The following CADM2 variants were observed in gnomAD, a reference collection of about 807,000 sequenced individuals.
The protein encoded by CADM2 is cell adhesion molecule 2.
Under a neutral mutation model 49.8 loss-of-function variants are expected in CADM2, and 12 were observed. The observed-to-expected ratio is 0.24, with a 90% CI of 0.15 to 0.39. The LOEUF is 0.39. Ranked by LOEUF, CADM2 falls within the 10% of genes least tolerant of loss-of-function variation. The pLI, the probability that CADM2 is intolerant of heterozygous loss-of-function variation, is 1.00. For synonymous variants in CADM2, 214 were observed against 175.4 expected (o/e 1.22, Z -1.74); for missense variants, 378 against 492.3 (o/e 0.77, Z 2.20).
intron 8 of CADM2, among the ~76,000 whole-genome samples, chr3:86,029,818 T>C (rs1734343321): frequency 6.6e-6 from 1 of 151,950 alleles, no homozygotes; most frequent in Admixed American, 6.6e-5. Flanking sequence ...TTGGGAGAGG[T>C]AAATTGTTAT....
At chr3:85,728,560 A>C (rs2067802042) in intron 2 of CADM2, among the ~76,000 whole-genome samples, 1 of 152,142 alleles carries the variant, frequency 6.6e-6, no homozygotes, top group African/African-American at 2.4e-5. Context: ...AGTGGATAAG[A>C]GGAAAATAAA....
intron 1 of CADM2, among the ~76,000 whole-genome samples, chr3:85,544,130 CA>C (rs1215866597): frequency 6.6e-6 from 1 of 152,036 alleles, no homozygotes; most frequent in Non-Finnish European, 1.5e-5. Context: ...AAGACACAGG[CA>C]AATAATGACA....
intron 1 of CADM2, among the ~76,000 whole-genome samples, chr3:85,259,651 C>T (rs570567466): frequency 6.6e-6 from 1 of 152,016 alleles, no homozygotes; most frequent in Non-Finnish European, 1.5e-5. Flanking sequence ...GCAATTTATA[C>T]TAGCAAGATG....
chr3:85,788,590 A>G (rs2071142402), intron 2 of CADM2, among the ~76,000 whole-genome samples: 1 of 152,112 alleles, frequency 6.6e-6, no homozygotes, highest in Non-Finnish European at 1.5e-5. Flanking sequence ...GGTGCAATCC[A>G]AAATAAAAAT....
At chr3:85,585,420 T>A (rs957145130) in intron 1 of CADM2, among the ~76,000 whole-genome samples, 6 of 152,008 alleles carry the variant, frequency 3.9e-5, no homozygotes, top group Middle Eastern at 3.4e-3. Context: ...ATATATATCT[T>A]GTATGATGAG....
intron 1 of CADM2, among the ~76,000 whole-genome samples, chr3:85,412,637 G>A (rs558140284): frequency 6.6e-6 from 1 of 151,986 alleles, no homozygotes; most frequent in Non-Finnish European, 1.5e-5. Context: ...GACAAGTGGA[G>A]CGCTAATAAA....
At chr3:85,773,688 A>C (rs2070215378) in intron 2 of CADM2, among the ~76,000 whole-genome samples, 1 of 151,992 alleles carries the variant, frequency 6.6e-6, no homozygotes, top group South Asian at 2.1e-4. Context: ...TCAGAGAAAG[A>C]CTAGAGATTG....
chr3:86,022,829 A>G (rs547263235), intron 8 of CADM2, among the ~76,000 whole-genome samples: 3 of 152,084 alleles, frequency 2.0e-5, no homozygotes, highest in Non-Finnish European at 1.5e-5. Context: ...TTCAGCTTCC[A>G]TGTCATTTTG....
rs575968095 is a variant in CADM2 at position 85,685,529 on chromosome 3, T to C, written c.62-40993T>C. 9.8e-5 allele frequency among the ~76,000 whole-genome samples: 15 copies of C among 152,308 alleles called. No individual in the cohort carries two copies. In the South Asian group the frequency reaches 3.1e-3, roughly 32 times the overall value. On this transcript the variant is annotated intron_variant, in intron 1 of 9. Coordinates refer to ENST00000383699, the MANE Select transcript of CADM2 (RefSeq NM_001167675.2). ...CATTTTTCTGTGAACCTAAAACTTC[T>C]TTGAAATATCGTCTTATTTAAACAG...
At chr3:85,707,009 C>T (rs1355120291) in intron 1 of CADM2, among the ~76,000 whole-genome samples, 4 of 152,022 alleles carry the variant, frequency 2.6e-5, no homozygotes, top group Non-Finnish European at 5.9e-5. Flanking sequence ...CTCTGTCACC[C>T]AGGCTGGAGT....
At chr3:85,557,652 T>C (rs1163986241) in intron 1 of CADM2, among the ~76,000 whole-genome samples, 2 of 152,084 alleles carry the variant, frequency 1.3e-5, no homozygotes, top group Non-Finnish European at 2.9e-5. Context: ...TTTTACACTG[T>C]TGTGATAAGT....
chr3:85,899,461 T>G (rs547121604), intron 5 of CADM2, among the ~76,000 whole-genome samples: 1 of 152,282 alleles, frequency 6.6e-6, no homozygotes, highest in Admixed American at 6.5e-5. Flanking sequence ...TCGGGTCAGT[T>G]TCCATTGATT....
chr3:85,510,656 T>G (rs1268498856), intron 1 of CADM2, among the ~76,000 whole-genome samples: 1 of 152,074 alleles, frequency 6.6e-6, no homozygotes, highest in Non-Finnish European at 1.5e-5. Flanking sequence ...AATATTCAAC[T>G]CTCCTAGATT....
chr3:85,578,031 T>TTCCTTCCTTCCTTCCTTC (rs1169191871), intron 1 of CADM2, among the ~76,000 whole-genome samples: 64 of 59,450 alleles, frequency 1.1e-3, no homozygotes, highest in Non-Finnish European at 4.0e-4. Context: ...TTCCTTCCTT[T>TTCCTTCCTTCCTTCCTTC]CTTCCCCCCC....
chr3:85,966,444 T>C (rs2108629078), intron 8 of CADM2, among the ~76,000 whole-genome samples: 1 of 151,898 alleles, frequency 6.6e-6, no homozygotes, highest in Non-Finnish European at 1.5e-5. Context: ...GCTAACTTAT[T>C]CCCTTACTTC....
chr3:85,709,418 G>A (rs536538198), intron 1 of CADM2, among the ~76,000 whole-genome samples: 14 of 152,126 alleles, frequency 9.2e-5, no homozygotes, highest in Admixed American at 4.6e-4. Context: ...GTTTTGTTGC[G>A]TTACATACAA....
At chr3:85,712,811 T>G (rs982235421) in intron 1 of CADM2, among the ~76,000 whole-genome samples, 4 of 152,214 alleles carry the variant, frequency 2.6e-5, no homozygotes, top group African/African-American at 9.6e-5. Flanking sequence ...GTTTGACTTT[T>G]TATTTCTTTA....
chr3:85,124,651 A>T (rs2107598151), intron 1 of CADM2, among the ~76,000 whole-genome samples: 1 of 152,314 alleles, frequency 6.6e-6, no homozygotes, highest in East Asian at 1.9e-4. Context: ...CAAAGAAAAT[A>T]CTGCAAGTGG....
chr3:85,097,668 T>C (rs1452747311), intron 1 of CADM2, among the ~76,000 whole-genome samples: 2 of 152,320 alleles, frequency 1.3e-5, no homozygotes, highest in East Asian at 1.9e-4. Flanking sequence ...ATTCCTTTGA[T>C]TGGACATACA....
Sources: gnomAD v4.1 joint callset for allele counts (sites outside exome capture counted in the v4.1 genomes callset) on GRCh38, gnomAD v4.1.1 for gene constraint, MANE v1.5 for transcripts, NCBI Gene and HGNC (gene_info 2026-07-23, HGNC 2026-07-21) for gene names.